VTI1A: variants seen among roughly 807,000 people sequenced by gnomAD.
VTI1A encodes vesicle transport through interaction with t-SNAREs homolog 1A.
In VTI1A, 22 loss-of-function variants were observed where a neutral mutation model predicts 34.9. The ratio of observed to expected loss-of-function variants is 0.63; its 90% confidence interval spans 0.45 to 0.90. The LOEUF is 0.90. VTI1A is among the 40% of genes least tolerant of loss of function. The pLI is 0.00. For synonymous variants in VTI1A, 87 were observed against 97.3 expected (o/e 0.89, Z 0.62); for missense variants, 268 against 275.6 (o/e 0.97, Z 0.20).
chr10:112,711,129 G>C (rs1242886248), intron 7 of VTI1A, among the ~76,000 whole-genome samples: 1 of 152,246 alleles, frequency 6.6e-6, no homozygotes, highest in East Asian at 1.9e-4. Context: ...CCAATCTGTA[G>C]AAAAAATCAA....
At chr10:112,737,724 A>G in intron 7 of VTI1A, 1 of 1,059,296 alleles carries the variant, frequency 9.4e-7, no homozygotes. Context: ...TGATCTGGAA[A>G]ATTAAAGCTC....
chr10:112,752,343 T>C, intron 7 of VTI1A: 1 of 984,972 alleles, frequency 1.0e-6, no homozygotes, highest in Non-Finnish European at 1.2e-6. Flanking sequence ...TCCCCCTCTG[T>C]CTTTTCCAGG....
chr10:112,732,192 G>A (rs1850289077), intron 7 of VTI1A, among the ~76,000 whole-genome samples: 1 of 152,088 alleles, frequency 6.6e-6, no homozygotes, highest in Non-Finnish European at 1.5e-5. Context: ...TTTGTGAGAA[G>A]GCATCTAGCT....
At chr10:112,833,500 A>C in the VTI1A span, among the ~76,000 whole-genome samples, 1 of 152,140 alleles carries the variant, frequency 6.6e-6, no homozygotes, top group Non-Finnish European at 1.5e-5. Flanking sequence ...CCTCTGAATT[A>C]GCTGGATAAC....
the VTI1A span, among the ~76,000 whole-genome samples, chr10:112,830,851 T>A: frequency 0.03 from 1,144 of 37,756 alleles, 19 homozygotes; most frequent in South Asian, 0.052. Context: ...ATATATATAT[T>A]TTTTTTTTTT....
intron 5 of VTI1A, among the ~76,000 whole-genome samples, chr10:112,586,783 T>A (rs1057264628): frequency 6.6e-6 from 1 of 152,176 alleles, no homozygotes; most frequent in Non-Finnish European, 1.5e-5. Flanking sequence ...GTAAACAAAT[T>A]CAGAATTTCT....
At position 112,762,935 on chromosome 10, in the gene VTI1A, A is replaced by G. The variant is rs1851519950; in HGVS notation, c.561-52355A>G. ...CAACCAAAAGATCTGGGCCAATGCT[A>G]GTTTTAAATATATATATAACAAGAG... On this transcript the variant is annotated intron_variant, in intron 7 of 7. Transcript: ENST00000393077. Among the ~76,000 whole-genome samples, 4 of 152,288 alleles carry G rather than the reference A, an allele frequency of 2.6e-5. No individual in the cohort carries two copies. The South Asian group carries it at 8.3e-4, about 32-fold the overall frequency.
chr10:112,690,220 A>G (rs1848567118), intron 7 of VTI1A, among the ~76,000 whole-genome samples: 2 of 152,134 alleles, frequency 1.3e-5, no homozygotes, highest in Admixed American at 1.3e-4. Flanking sequence ...GCTGCTGTGA[A>G]TATTTGTGTA....
intron 7 of VTI1A, among the ~76,000 whole-genome samples, chr10:112,682,053 C>G (rs1848234349): frequency 6.6e-6 from 1 of 152,044 alleles, no homozygotes; most frequent in African/African-American, 2.4e-5. Context: ...CTTTTTAGGT[C>G]TTTTAATCTG....
intron 3 of VTI1A, among the ~76,000 whole-genome samples, chr10:112,510,585 A>G (rs1251306779): frequency 6.6e-6 from 1 of 152,168 alleles, no homozygotes. Context: ...TCGGTGAGCT[A>G]TGACTGTGCC....
intron 7 of VTI1A, chr10:112,752,503 G>A: frequency 2.0e-6 from 2 of 985,394 alleles, no homozygotes; most frequent in Non-Finnish European, 2.4e-6. Context: ...TTTGACCTTT[G>A]TGCTATTTGA....
At chr10:112,554,701 A>G (rs1197124350) in intron 5 of VTI1A, among the ~76,000 whole-genome samples, 2 of 152,086 alleles carry the variant, frequency 1.3e-5, no homozygotes, top group Non-Finnish European at 2.9e-5. Flanking sequence ...TCCAGTAACT[A>G]TGAGGCCTCA....
intron 7 of VTI1A, among the ~76,000 whole-genome samples, chr10:112,716,421 G>A (rs1849616744): frequency 6.6e-6 from 1 of 152,148 alleles, no homozygotes; most frequent in Non-Finnish European, 1.5e-5. Context: ...ACTCTAGTGA[G>A]AAGACATAAC....
At chr10:112,581,388 G>A (rs1029507047) in intron 5 of VTI1A, among the ~76,000 whole-genome samples, 14 of 152,184 alleles carry the variant, frequency 9.2e-5, no homozygotes, top group Middle Eastern at 3.2e-3. Context: ...TACAAGGTCT[G>A]CTTAAATTAC....
At chr10:112,589,956 T>C (rs566636058) in intron 5 of VTI1A, among the ~76,000 whole-genome samples, 93 of 152,358 alleles carry the variant, frequency 6.1e-4, no homozygotes, top group African/African-American at 2.2e-3. Flanking sequence ...TATAGTTTTC[T>C]TCCTTTTTAT....
chr10:112,524,944 A>C (rs1200442540), intron 3 of VTI1A, among the ~76,000 whole-genome samples: 1 of 152,212 alleles, frequency 6.6e-6, no homozygotes, highest in Non-Finnish European at 1.5e-5. Context: ...AAATGAGCAA[A>C]GGCAAGCTTT....
intron 2 of VTI1A, among the ~76,000 whole-genome samples, chr10:112,464,275 G>A (rs1847825433): frequency 6.6e-6 from 1 of 152,242 alleles, no homozygotes; most frequent in Non-Finnish European, 1.5e-5. Context: ...TGGGATGATG[G>A]GCGTGAGCCA....
At chr10:112,491,632 G>A (rs139884953) in intron 3 of VTI1A, among the ~76,000 whole-genome samples, 564 of 152,134 alleles carry the variant, frequency 3.7e-3, no homozygotes, top group African/African-American at 0.012. Context: ...AAATATTACC[G>A]TTTCAAAATG....
chr10:112,617,040 G>C (rs1845537879), intron 5 of VTI1A, among the ~76,000 whole-genome samples: 1 of 152,038 alleles, frequency 6.6e-6, no homozygotes, highest in Non-Finnish European at 1.5e-5. Context: ...AATCCACAGA[G>C]ACACAACACA....
Sources: gnomAD v4.1 joint callset for allele counts (sites outside exome capture counted in the v4.1 genomes callset) on GRCh38, gnomAD v4.1.1 for gene constraint, MANE v1.5 for transcripts, NCBI Gene and HGNC (gene_info 2026-07-23, HGNC 2026-07-21) for gene names.